Variants in GNAO1 observed in about 807,000 individuals in gnomAD.
The protein encoded by GNAO1 is guanine nucleotide-binding protein G(o) subunit alpha.
For missense variants in GNAO1, 166 were observed against 478.7 expected (o/e 0.35, Z 6.10); for synonymous variants, 164 against 180.7 (o/e 0.91, Z 0.74).
intron 2 of GNAO1, among the ~76,000 whole-genome samples, chr16:56,222,079 A>T (rs769099278): frequency 6.6e-6 from 1 of 152,236 alleles, no homozygotes; most frequent in Non-Finnish European, 1.5e-5. Flanking sequence ...AAGATAACTC[A>T]ACTTTGAGAT....
chr16:56,238,832 C>G (rs144812499), intron 2 of GNAO1, among the ~76,000 whole-genome samples: 1 of 152,156 alleles, frequency 6.6e-6, no homozygotes, highest in African/African-American at 2.4e-5. Context: ...TTACTCAGAG[C>G]GAATCATAAT....
chr16:56,200,718 C>G (rs561835519), intron 2 of GNAO1, among the ~76,000 whole-genome samples: 74 of 152,312 alleles, frequency 4.9e-4, no homozygotes, highest in Admixed American at 7.8e-4. Context: ...ATGGTGCCAG[C>G]TGTGGTTGAG....
chr16:56,347,962 C>A, intron 6 of GNAO1: 4 of 972,362 alleles, frequency 4.1e-6, no homozygotes, highest in Non-Finnish European at 4.9e-6. Flanking sequence ...GCACCCCCCT[C>A]CCCCATCTAG....
At chr16:56,339,502 TC>T (rs1484471520) in intron 6 of GNAO1, among the ~76,000 whole-genome samples, 1 of 152,246 alleles carries the variant, frequency 6.6e-6, no homozygotes, top group African/African-American at 2.4e-5. Flanking sequence ...CAGGCCTTGG[TC>T]CTCAGCCATC....
chr16:56,303,078 A>C (rs1567475927), intron 3 of GNAO1, among the ~76,000 whole-genome samples: 2 of 152,108 alleles, frequency 1.3e-5, no homozygotes, highest in Non-Finnish European at 2.9e-5. Context: ...CGGGACCTCC[A>C]CGCGCAGCCG....
chr16:56,350,753 C>G (rs1162625480), intron 6 of GNAO1, among the ~76,000 whole-genome samples: 3 of 152,100 alleles, frequency 2.0e-5, no homozygotes, highest in Non-Finnish European at 4.4e-5. Context: ...CATGCCTTCC[C>G]CTGAGACCAT....
chr16:56,243,740 T>C (rs536342440), intron 2 of GNAO1, among the ~76,000 whole-genome samples: 2 of 152,322 alleles, frequency 1.3e-5, no homozygotes, highest in Admixed American at 6.5e-5. Flanking sequence ...GTTGTACATA[T>C]CTGTGACTGT....
At chr16:56,237,703 A>C (rs955472893) in intron 2 of GNAO1, among the ~76,000 whole-genome samples, 3 of 152,238 alleles carry the variant, frequency 2.0e-5, no homozygotes, top group Admixed American at 6.5e-5. Flanking sequence ...CTTCAGCTCC[A>C]ACAAAACCAT....
chr16:56,230,886 A>G (rs2036583598), intron 2 of GNAO1, among the ~76,000 whole-genome samples: 1 of 152,230 alleles, frequency 6.6e-6, no homozygotes, highest in Admixed American at 6.5e-5. Context: ...ACTGAGGCCC[A>G]GAGACAGAAA....
chr16:56,261,832 C>T (rs1443032909), intron 2 of GNAO1, among the ~76,000 whole-genome samples: 3 of 152,148 alleles, frequency 2.0e-5, no homozygotes, highest in Admixed American at 6.5e-5. Flanking sequence ...TCTGTGTGAC[C>T]GTCCGATGCC....
At position 56,355,003 on chromosome 16, in the gene GNAO1, G is replaced by A. The variant is rs2037954591; in HGVS notation, c.1015G>A (p.Val339Ile). 2.5e-6 allele frequency: 4 copies of A among 1,613,398 alleles called. No individual in the cohort carries two copies. The highest frequency in any genetic ancestry group is 1.1e-5 in the South Asian group (1 of 91,068). The change falls in exon 8 of 9, where the codon GTC (valine) becomes ATC (isoleucine). Residue 339 changes from valine (V) to isoleucine (I), a missense_variant. Coordinates refer to ENST00000262493, the MANE Select transcript of GNAO1 (RefSeq NM_020988.3). ...TNNIQVVFDA[V>I]TDIIIANNLR... ...TAACATCCAGGTGGTGTTCGACGCC[G>A]TCACCGACATCATCATTGCCAACAA...
intron 6 of GNAO1, among the ~76,000 whole-genome samples, chr16:56,349,549 G>A (rs531177157): frequency 1.5e-4 from 23 of 152,330 alleles, no homozygotes; most frequent in Non-Finnish European, 2.5e-4. Context: ...GCTCCTCCCC[G>A]GAGGGATCAC....
chr16:56,270,175 TCTC>T (rs1216375996), intron 2 of GNAO1: 3 of 152,250 alleles, frequency 2.0e-5, no homozygotes, highest in Admixed American at 6.5e-5. Context: ...CCACGTGAGA[TCTC>T]CTCTCAGCAG....
At chr16:56,280,863 G>A (rs1047609982) in intron 3 of GNAO1, among the ~76,000 whole-genome samples, 21 of 152,264 alleles carry the variant, frequency 1.4e-4, no homozygotes, top group African/African-American at 4.6e-4. Context: ...GGGGAGGTCC[G>A]CACATATCAG....
rs1440117012 is a variant in GNAO1, at chr16:56,347,600, C to G, written c.724-3784C>G. The G allele has an allele frequency of 3.0e-6, 3 of 983,624 alleles. No individual in the cohort carries two copies. The African/African-American group carries it at 5.4e-5, about 18-fold the overall frequency. The allele number at this position is 983,624 out of a possible 1,614,324, so 60.9% of individuals were successfully genotyped here. A position where few individuals can be genotyped will look rare whatever the true frequency, so the allele number is the denominator to read the frequency against. Reference sequence around the variant, plus strand: ...GAAAGAATGGCCCCCAGTCCAAACTCCTGGATCCCCTCCATGAGAGAGGGG... The same window carrying G: ...GAAAGAATGGCCCCCAGTCCAAACTGCTGGATCCCCTCCATGAGAGAGGGG... On this transcript the variant is annotated intron_variant, in intron 6 of 8. Coordinates refer to ENST00000262493, the MANE Select transcript of GNAO1 (RefSeq NM_020988.3).
chr16:56,326,955 G>A lies in GNAO1; in HGVS notation c.304-1676G>A, dbSNP rs1240669812. ...CAGGTGGGTCTGATCATAGAGGCTG[G>A]GCCTGGAGTCCGAAGGCACCTCATC... On this transcript the variant is annotated intron_variant, in intron 3 of 8. Coordinates refer to ENST00000262493, the MANE Select transcript of GNAO1 (RefSeq NM_020988.3). This position sits in a 1 kb window ranked among gnomAD's most constrained non-coding sequence, Gnocchi z 4.8. 4.6e-5 allele frequency among the ~76,000 whole-genome samples: 7 copies of A among 152,144 alleles called. No homozygotes were observed. Among genetic ancestry groups the A allele is most frequent in the Non-Finnish European group, 8.8e-5 (6 of 68,016 alleles).
intron 3 of GNAO1, among the ~76,000 whole-genome samples, chr16:56,308,536 G>A (rs1477639138): frequency 6.6e-6 from 1 of 152,208 alleles, no homozygotes; most frequent in Non-Finnish European, 1.5e-5. Context: ...CAGTGACCCA[G>A]AGGTTAGGTA....
At chr16:56,333,944 C>T (rs541701247) in intron 4 of GNAO1, among the ~76,000 whole-genome samples, 1 of 152,386 alleles carries the variant, frequency 6.6e-6, no homozygotes, top group East Asian at 1.9e-4. Context: ...CCTACCCTGG[C>T]TTTAGGTTCA....
At chr16:56,196,389 T>A (rs902987713) in intron 2 of GNAO1, among the ~76,000 whole-genome samples, 8 of 152,350 alleles carry the variant, frequency 5.3e-5, no homozygotes, top group Admixed American at 5.2e-4. Flanking sequence ...GACTCTGAGT[T>A]ATTCAGACTA....
Sources: gnomAD v4.1 joint callset for allele counts (sites outside exome capture counted in the v4.1 genomes callset) on GRCh38, gnomAD v4.1.1 for gene constraint, Gnocchi (gnomAD v3.1) non-coding constraint, MANE v1.5 for transcripts, NCBI Gene and HGNC (gene_info 2026-07-23, HGNC 2026-07-21) for gene names.